The following KLRG1 variants were observed in gnomAD, a reference collection of about 807,000 sequenced individuals.
The protein encoded by KLRG1 is killer cell lectin like receptor G1, also known as killer cell lectin-like receptor subfamily G member 1.
Under a neutral mutation model 21.8 loss-of-function variants are expected in KLRG1, and 16 were observed. The ratio of observed to expected loss-of-function variants is 0.73; its 90% CI spans 0.50 to 1.11. The LOEUF is 1.11. Among genes scored for constraint, KLRG1 ranks in the 50% most tolerant of loss-of-function variants. The pLI, the probability that KLRG1 is intolerant of heterozygous loss-of-function variation, is 0.00. For synonymous variants in KLRG1, 69 were observed against 75.9 expected (o/e 0.91, Z 0.47); for missense variants, 173 against 218.3 (o/e 0.79, Z 1.31).
chr12:9,070,543 A>G, the KLRG1 span: 1 of 1,613,890 alleles, frequency 6.2e-7, no homozygotes, highest in Non-Finnish European at 8.5e-7. Context: ...CACATCAACG[A>G]TCGCCATGTT....
chr12:9,089,472 G>T, the KLRG1 span, among the ~76,000 whole-genome samples: 1 of 152,194 alleles, frequency 6.6e-6, no homozygotes, highest in Non-Finnish European at 1.5e-5. Context: ...TGTGCATGGT[G>T]GCTCACACCT....
chr12:9,009,170 G>T (rs546889657), intron 4 of KLRG1, 95 bp downstream of exon 4: 5 of 996,728 alleles, frequency 5.0e-6, no homozygotes, highest in Non-Finnish European at 7.4e-6. Flanking sequence ...AGCAGATGGA[G>T]AGGAGAGGAA....
At chr12:9,165,483 C>T in the KLRG1 span, 12 of 1,176,944 alleles carry the variant, frequency 1.0e-5, no homozygotes, top group African/African-American at 1.1e-4. Flanking sequence ...AGGGTATATG[C>T]GAGTGTGCAT....
chr12:9,136,935 T>G, the KLRG1 span, among the ~76,000 whole-genome samples: 3 of 152,226 alleles, frequency 2.0e-5, no homozygotes, highest in East Asian at 3.8e-4. Flanking sequence ...AGCAACCCCT[T>G]GTCAGACACA....
chr12:9,020,084 C>T, the KLRG1 span, among the ~76,000 whole-genome samples: 3 of 151,026 alleles, frequency 2.0e-5, no homozygotes, highest in African/African-American at 7.3e-5. Context: ...CACATACATA[C>T]ATATATAAAA....
the KLRG1 span, chr12:9,091,480 T>TC: frequency 6.3e-7 from 1 of 1,581,160 alleles, no homozygotes; most frequent in South Asian, 1.1e-5. Context: ...AAATACATCC[T>TC]TTCTAGGGAG....
At chr12:9,068,538 TTAG>T in the KLRG1 span, among the ~76,000 whole-genome samples, 1 of 152,192 alleles carries the variant, frequency 6.6e-6, no homozygotes, top group African/African-American at 2.4e-5. Flanking sequence ...GTGTTTTGTA[TTAG>T]TAGTTGATAA....
At chr12:9,175,886 G>A in the KLRG1 span, among the ~76,000 whole-genome samples, 1 of 152,132 alleles carries the variant, frequency 6.6e-6, no homozygotes, top group African/African-American at 2.4e-5. Flanking sequence ...CAACCACTGT[G>A]GAAGAAAGTG....
intron 2 of KLRG1, among the ~76,000 whole-genome samples, 182 bp downstream of exon 2, chr12:8,992,492 T>G (rs1008773205): frequency 6.6e-6 from 1 of 152,114 alleles, no homozygotes; most frequent in Non-Finnish European, 1.5e-5. Context: ...TTTTCTTTTT[T>G]CTTTTTGTTT....
At chr12:9,214,067 A>G in the KLRG1 span, among the ~76,000 whole-genome samples, 16 of 152,060 alleles carry the variant, frequency 1.1e-4, no homozygotes, top group African/African-American at 3.9e-4. Flanking sequence ...TGTTTTTTTC[A>G]TCATTTATGT....
upstream of KLRG1, chr12:8,989,410 T>C (rs1195442164): frequency 2.6e-6 from 1 of 387,092 alleles, no homozygotes; most frequent in Non-Finnish European, 4.6e-6. Flanking sequence ...ATTTAATATA[T>C]ATTTAGTGAG....
the KLRG1 span, among the ~76,000 whole-genome samples, chr12:9,070,915 G>C: frequency 6.6e-6 from 1 of 151,920 alleles, no homozygotes; most frequent in Non-Finnish European, 1.5e-5. Flanking sequence ...CCGCCTCCTG[G>C]GTTCAAGTGA....
chr12:9,137,304 A>G, the KLRG1 span, among the ~76,000 whole-genome samples: 2 of 152,064 alleles, frequency 1.3e-5, no homozygotes, highest in African/African-American at 4.8e-5. Flanking sequence ...CCCCTAGTGT[A>G]TTCTTGGTAC....
chr12:9,194,517 T>G, the KLRG1 span, among the ~76,000 whole-genome samples: 4 of 138,694 alleles, frequency 2.9e-5, no homozygotes, highest in Admixed American at 8.1e-5. Flanking sequence ...CAGGCTGGAG[T>G]GCAGTGGCGC....
At chr12:9,004,094 A>C (rs1170045466) in intron 3 of KLRG1, among the ~76,000 whole-genome samples, 3 of 151,998 alleles carry the variant, frequency 2.0e-5, no homozygotes, top group African/African-American at 4.8e-5. Context: ...TTCTTAATCC[A>C]GTCTATCATT....
the KLRG1 span, among the ~76,000 whole-genome samples, chr12:9,075,446 T>C: frequency 9.0e-4 from 136 of 151,838 alleles, no homozygotes; most frequent in African/African-American, 3.2e-3. Flanking sequence ...TAGCAAAACA[T>C]AAAAAAAATC....
intron 3 of KLRG1, among the ~76,000 whole-genome samples, chr12:8,996,167 G>A (rs904558014): frequency 2.0e-5 from 3 of 152,160 alleles, no homozygotes; most frequent in Non-Finnish European, 2.9e-5. Flanking sequence ...GTGCATGTGT[G>A]TGTGTGTGTG....
chr12:8,970,842 T>C (rs1245778472), intron 1 of KLRG1, among the ~76,000 whole-genome samples: 2 of 152,208 alleles, frequency 1.3e-5, no homozygotes, highest in East Asian at 3.8e-4. Context: ...TTTTCATGCT[T>C]CTTTCTGCTT....
the KLRG1 span, among the ~76,000 whole-genome samples, chr12:9,185,230 G>C: frequency 6.6e-6 from 1 of 152,262 alleles, no homozygotes; most frequent in South Asian, 2.1e-4. Context: ...GTATAGAAAA[G>C]AACATAACCA....
Sources: gnomAD v4.1 joint callset for allele counts (sites outside exome capture counted in the v4.1 genomes callset) on GRCh38, gnomAD v4.1.1 for gene constraint, MANE v1.5 for transcripts, NCBI Gene and HGNC (gene_info 2026-07-23, HGNC 2026-07-21) for gene names.